Variants in CNTN5 observed in about 807,000 individuals in gnomAD.
CNTN5 encodes contactin-5.
Under a neutral mutation model 129.1 loss-of-function variants are expected in CNTN5, and 77 were observed. The ratio of observed to expected loss-of-function variants is 0.60; its 90% confidence interval spans 0.50 to 0.72. The LOEUF (loss-of-function observed/expected upper bound fraction) is 0.72. Among genes scored for constraint, CNTN5 ranks in the 30% least tolerant of loss-of-function variants. CNTN5 has a pLI of 0.00. For missense variants in CNTN5, 1,478 were observed against 1,328.8 expected (o/e 1.11, Z -1.75); for synonymous variants, 509 against 465.6 (o/e 1.09, Z -1.20).
intron 2 of CNTN5, among the ~76,000 whole-genome samples, chr11:99,433,417 G>A (rs1253874669): frequency 6.7e-6 from 1 of 149,844 alleles, no homozygotes; most frequent in African/African-American, 2.5e-5. Flanking sequence ...GTGTGTGTGT[G>A]TGTGTCTATG....
At chr11:100,296,969 C>T (rs1405791162) in intron 18 of CNTN5, among the ~76,000 whole-genome samples, 1 of 151,568 alleles carries the variant, frequency 6.6e-6, no homozygotes, top group East Asian at 1.9e-4. Flanking sequence ...TCCCTTTCAA[C>T]TGCAGATTTC....
At chr11:100,081,723 C>T (rs1944371996) in intron 13 of CNTN5, among the ~76,000 whole-genome samples, 2 of 152,258 alleles carry the variant, frequency 1.3e-5, no homozygotes, top group South Asian at 4.1e-4. Context: ...AAAAGAAGGA[C>T]TATATACCGT....
intron 3 of CNTN5, among the ~76,000 whole-genome samples, chr11:99,645,259 CAACAAAAAAAAA>C (rs1951913759): frequency 1.5e-5 from 1 of 67,912 alleles, no homozygotes; most frequent in African/African-American, 6.3e-5. Flanking sequence ...GGCTCCATCT[CAACAAAAAAAAA>C]AAAAAAAAAA....
chr11:99,857,343 T>TAAAATATCC (rs1948072367), intron 6 of CNTN5, among the ~76,000 whole-genome samples: 1 of 152,138 alleles, frequency 6.6e-6, no homozygotes, highest in African/African-American at 2.4e-5. Context: ...AGTGAATTAA[T>TAAAATATCC]AAAATATCCT....
intron 3 of CNTN5, among the ~76,000 whole-genome samples, chr11:99,752,691 A>C (rs7928960): frequency 0.19 from 29,586 of 152,134 alleles, 3,726 homozygotes; most frequent in East Asian, 0.63. Flanking sequence ...GCTTCATTAA[A>C]ATTCTGATTT....
At chr11:99,295,503 G>C (rs1864343371) in intron 1 of CNTN5, among the ~76,000 whole-genome samples, 1 of 152,182 alleles carries the variant, frequency 6.6e-6, no homozygotes, top group Non-Finnish European at 1.5e-5. Flanking sequence ...CATGGAAAAA[G>C]AGCCTAACAA....
rs764485159 is a variant in CNTN5 at position 99,845,178 on chromosome 11, G to A, written c.493G>A (p.Ala165Thr). The change falls in exon 6 of 25, where the codon GCA (alanine) becomes ACA (threonine). Residue 165 changes from alanine (A) to threonine (T), a missense_variant. By Grantham distance (58) the Ala-to-Thr change is moderately conservative (BLOSUM62 0). Coordinates refer to ENST00000524871, the MANE Select transcript of CNTN5 (RefSeq NM_014361.4). The part of the protein sequence containing the change: ...GTFIISNPSE[A>T]KDSGHYQCLA... ...CTTCATTATAAGCAATCCAAGTGAA[G>A]CAAAGGATTCTGGTCATTATCAGTG... is the stretch of plus-strand genomic sequence containing the variant. 1 of 1,613,690 alleles carries A rather than the reference G, an allele frequency of 6.2e-7. No homozygotes were observed. The highest frequency in any genetic ancestry group is 1.7e-5 in the Admixed American group (1 of 60,012).
intron 3 of CNTN5, among the ~76,000 whole-genome samples, chr11:99,602,789 C>A (rs1294506709): frequency 6.7e-6 from 1 of 149,100 alleles, no homozygotes; most frequent in Admixed American, 6.7e-5. Context: ...GGTCCCTGAC[C>A]CCTGACCCCC....
chr11:99,408,370 A>AC (rs1457583069), intron 2 of CNTN5, among the ~76,000 whole-genome samples: 1 of 128,806 alleles, frequency 7.8e-6, no homozygotes, highest in Non-Finnish European at 1.6e-5. Flanking sequence ...AGGCTACCAA[A>AC]AAAAAAAAAA....
chr11:100,210,347 CAAAAAAAAAAA>C (rs374618789), intron 15 of CNTN5, among the ~76,000 whole-genome samples: 1 of 80,916 alleles, frequency 1.2e-5, no homozygotes, highest in African/African-American at 5.0e-5. Context: ...GAGACTATCT[CAAAAAAAAAAA>C]AAAAAAAAAG....
At chr11:100,134,265 G>A (rs1392498215) in intron 13 of CNTN5, among the ~76,000 whole-genome samples, 1 of 151,964 alleles carries the variant, frequency 6.6e-6, no homozygotes, top group Non-Finnish European at 1.5e-5. Context: ...AACTTAGAAG[G>A]GCAGGCTGTA....
At chr11:99,772,768 T>C (rs575123156) in intron 3 of CNTN5, among the ~76,000 whole-genome samples, 51 of 152,210 alleles carry the variant, frequency 3.4e-4, no homozygotes, top group African/African-American at 1.2e-3. Context: ...AGTTTAATAA[T>C]GGTTTTATAA....
chr11:99,379,101 T>A (rs2136152828), intron 2 of CNTN5, among the ~76,000 whole-genome samples: 1 of 151,798 alleles, frequency 6.6e-6, no homozygotes, highest in East Asian at 1.9e-4. Context: ...AAAAGTTAAT[T>A]AATTTATTCT....
chr11:99,077,881 C>T (rs1865640573), intron 1 of CNTN5, among the ~76,000 whole-genome samples: 1 of 152,138 alleles, frequency 6.6e-6, no homozygotes, highest in Non-Finnish European at 1.5e-5. Context: ...TCCGGCAGAA[C>T]TGTGAGTCAA....
chr11:99,359,701 T>C (rs1344655725), intron 2 of CNTN5, among the ~76,000 whole-genome samples: 1 of 151,994 alleles, frequency 6.6e-6, no homozygotes, highest in Non-Finnish European at 1.5e-5. Flanking sequence ...ATCAGCTAAA[T>C]CAGATATGCA....
chr11:99,779,792 C>A (rs966846745), intron 3 of CNTN5, among the ~76,000 whole-genome samples: 6 of 151,862 alleles, frequency 4.0e-5, no homozygotes, highest in Admixed American at 1.3e-4. Flanking sequence ...ACAACAAATC[C>A]CTTGCATATA....
At chr11:99,701,405 A>C (rs963887187) in intron 3 of CNTN5, among the ~76,000 whole-genome samples, 3 of 151,364 alleles carry the variant, frequency 2.0e-5, no homozygotes, top group Admixed American at 1.3e-4. Context: ...AATAGAATAC[A>C]AGCTGGTCTT....
At chr11:99,878,798 T>C (rs1301076412) in intron 6 of CNTN5, among the ~76,000 whole-genome samples, 1 of 152,016 alleles carries the variant, frequency 6.6e-6, no homozygotes, top group African/African-American at 2.4e-5. Context: ...GAGGTTGCAG[T>C]GAGCCGAGAT....
At chr11:99,127,419 G>A (rs1858695324) in intron 1 of CNTN5, among the ~76,000 whole-genome samples, 1 of 152,090 alleles carries the variant, frequency 6.6e-6, no homozygotes, top group South Asian at 2.1e-4. Context: ...CGGACTGCTT[G>A]AGACATGTAG....
Sources: allele counts gnomAD v4.1 joint callset (sites outside exome capture counted in the v4.1 genomes callset), GRCh38; gene constraint gnomAD v4.1.1; transcripts MANE v1.5; gene names NCBI Gene and HGNC (gene_info 2026-07-23, HGNC 2026-07-21).